RBFOX1: variants seen among roughly 807,000 people sequenced by gnomAD.
The protein encoded by RBFOX1 is RNA binding fox-1 homolog 1, also known as RNA binding protein fox-1 homolog 1.
A neutral mutation model predicts 57.7 loss-of-function variants in RBFOX1; 8 were observed. That is an observed-to-expected ratio of 0.14 (90% CI 0.08 to 0.25). The LOEUF (loss-of-function observed/expected upper bound fraction) is 0.25. Among genes scored for constraint, RBFOX1 ranks in the 10% least tolerant of loss-of-function variants. RBFOX1 has a pLI of 1.00. For missense variants in RBFOX1, 611 were observed against 548.5 expected, an observed-to-expected ratio of 1.11 and a Z score of -1.14; for synonymous variants, 326 against 222.4, an observed-to-expected ratio of 1.47 and a Z score of -4.15.
intron 1 of RBFOX1, among the ~76,000 whole-genome samples, chr16:6,078,285 A>C (rs145101395): frequency 6.6e-6 from 1 of 152,312 alleles, no homozygotes; most frequent in East Asian, 1.9e-4. Context: ...GTTAAGAGCA[A>C]GCCTCTAGAG....
intron 4 of RBFOX1, among the ~76,000 whole-genome samples, chr16:5,983,272 G>A (rs1350673815): frequency 6.6e-6 from 1 of 152,224 alleles, no homozygotes; most frequent in Non-Finnish European, 1.5e-5. Context: ...GGGTAATTAG[G>A]GAGGGTGGCA....
chr16:7,223,037 A>G (rs544283099), intron 4 of RBFOX1, among the ~76,000 whole-genome samples: 1 of 152,168 alleles, frequency 6.6e-6, no homozygotes, highest in Non-Finnish European at 1.5e-5. Context: ...CCTGTTATAT[A>G]ATTAAGCCTG....
chr16:6,472,135 C>T (rs778343692), intron 2 of RBFOX1, among the ~76,000 whole-genome samples: 1 of 152,206 alleles, frequency 6.6e-6, no homozygotes, highest in Non-Finnish European at 1.5e-5. Flanking sequence ...TTGAGCTTAA[C>T]CATTCCATCC....
chr16:7,703,529 ATAGGGAGTAAAATATAGTGAAATTAAT>A (rs1441605654), intron 14 of RBFOX1, among the ~76,000 whole-genome samples: 1 of 152,176 alleles, frequency 6.6e-6, no homozygotes, highest in Non-Finnish European at 1.5e-5. Flanking sequence ...CCTCATCAAA[ATAGGGAGTAAAATATAGTGAAATTAAT>A]TAGTGTTCTT....
Position 7,544,196 on chromosome 16 carries a change from C to A in RBFOX1, c.270+25807C>A, listed in dbSNP as rs555505306. Among the ~76,000 whole-genome samples, 12 of 152,280 alleles carry A rather than the reference C, an allele frequency of 7.9e-5. No homozygotes were observed. In the South Asian group the frequency reaches 2.3e-3, roughly 29 times the overall value. ...CTACATTATATTTCACACCTCTGTC[C>A]TTTGGAGGTGAAAGTTACTTGATGG... On this transcript the variant is annotated intron_variant, in intron 5 of 15. Coordinates refer to ENST00000550418, the MANE Select transcript of RBFOX1 (RefSeq NM_018723.4).
At chr16:6,034,952 G>C (rs1323792701) in intron 1 of RBFOX1, among the ~76,000 whole-genome samples, 1 of 84,756 alleles carries the variant, frequency 1.2e-5, no homozygotes, top group Non-Finnish European at 2.5e-5. Flanking sequence ...AGCTGTGGTG[G>C]GTTTTAAGCA....
At chr16:5,474,763 G>T (rs888020298) in intron 2 of RBFOX1, among the ~76,000 whole-genome samples, 1 of 152,106 alleles carries the variant, frequency 6.6e-6, no homozygotes, top group East Asian at 1.9e-4. Flanking sequence ...TTTTTCATAT[G>T]AGATAGGTTG....
At chr16:6,750,075 T>A (rs1293534690) in intron 3 of RBFOX1, among the ~76,000 whole-genome samples, 1 of 152,180 alleles carries the variant, frequency 6.6e-6, no homozygotes, top group Non-Finnish European at 1.5e-5. Context: ...CATTAAGATT[T>A]CAGTCGAGGT....
intron 3 of RBFOX1, among the ~76,000 whole-genome samples, chr16:5,751,823 G>C (rs377091350): frequency 6.6e-6 from 1 of 152,076 alleles, no homozygotes; most frequent in African/African-American, 2.4e-5. Context: ...TTCCTTATTG[G>C]TGGGAAAGTA....
intron 11 of RBFOX1, among the ~76,000 whole-genome samples, chr16:7,652,350 C>A: frequency 6.6e-6 from 1 of 152,042 alleles, no homozygotes; most frequent in Non-Finnish European, 1.5e-5. Flanking sequence ...CTTCCTAACT[C>A]CTCCTCACCT....
At chr16:5,492,715 A>T (rs1247521046) in intron 2 of RBFOX1, among the ~76,000 whole-genome samples, 2 of 152,220 alleles carry the variant, frequency 1.3e-5, no homozygotes, top group African/African-American at 2.4e-5. Context: ...CTCAGGTGCA[A>T]GATCCGTCAG....
At chr16:7,090,082 A>G (rs1175644846) in intron 4 of RBFOX1, among the ~76,000 whole-genome samples, 1 of 152,122 alleles carries the variant, frequency 6.6e-6, no homozygotes, top group Admixed American at 6.5e-5. Flanking sequence ...TAGTCTGTAA[A>G]TAAAGATAGT....
rs560885811 is a variant in RBFOX1 at position 6,735,735 on chromosome 16, C to G, written c.-16+81085C>G. ...AATTTGGTTATGAAAAGCCCCAGTG[C>G]AGGAGTCTACCATGATAGTTCCCAA... On this transcript the variant is annotated intron_variant, in intron 3 of 15. Transcript: ENST00000550418. 5.9e-5 allele frequency among the ~76,000 whole-genome samples: 9 copies of G among 152,252 alleles called. No individual in the cohort carries two copies. The South Asian group carries it at 1.7e-3, about 28-fold the overall frequency.
chr16:5,794,641 G>T (rs1379681897), intron 3 of RBFOX1, among the ~76,000 whole-genome samples: 4 of 152,174 alleles, frequency 2.6e-5, no homozygotes, highest in Non-Finnish European at 5.9e-5. Context: ...GTGGATGGGG[G>T]ATGCAGCTGG....
intron 4 of RBFOX1, among the ~76,000 whole-genome samples, chr16:7,235,726 G>T (rs974395401): frequency 6.6e-6 from 1 of 152,104 alleles, no homozygotes; most frequent in Non-Finnish European, 1.5e-5. Flanking sequence ...TTCCTGCCTT[G>T]CAATTTATAT....
chr16:6,534,822 G>A (rs534738330), intron 2 of RBFOX1, among the ~76,000 whole-genome samples: 2 of 152,074 alleles, frequency 1.3e-5, no homozygotes, highest in African/African-American at 2.4e-5. Context: ...AAAACACCAT[G>A]GAACTGTATA....
intron 4 of RBFOX1, among the ~76,000 whole-genome samples, chr16:7,365,456 C>T (rs550043929): frequency 2.0e-5 from 3 of 152,296 alleles, no homozygotes; most frequent in African/African-American, 7.2e-5. Flanking sequence ...AAAATTCTTT[C>T]AGTGAGTGAT....
intron 1 of RBFOX1, among the ~76,000 whole-genome samples, chr16:5,290,862 C>A (rs546705327): frequency 6.6e-6 from 1 of 152,104 alleles, no homozygotes; most frequent in African/African-American, 2.4e-5. Context: ...CCACACCTGG[C>A]TAATTTTTGG....
intron 4 of RBFOX1, among the ~76,000 whole-genome samples, chr16:7,466,574 C>T (rs546231946): frequency 6.6e-5 from 10 of 152,240 alleles, no homozygotes; most frequent in East Asian, 1.9e-4. Flanking sequence ...AGACAGGGCT[C>T]GGAATATTCA....
Sources: gnomAD v4.1 joint callset for allele counts (sites outside exome capture counted in the v4.1 genomes callset) on GRCh38, gnomAD v4.1.1 for gene constraint, MANE v1.5 for transcripts, NCBI Gene and HGNC (gene_info 2026-07-23, HGNC 2026-07-21) for gene names.